Variants in AKAP13 observed in about 807,000 individuals in gnomAD.
AKAP13 encodes A-kinase anchoring protein 13, also known as A-kinase anchor protein 13.
Under a neutral mutation model 264.5 loss-of-function variants are expected in AKAP13, and 80 were observed. The observed-to-expected ratio is 0.30, with a 90% CI of 0.25 to 0.36. AKAP13 has a LOEUF of 0.36. Among genes scored for constraint, AKAP13 ranks in the 10% least tolerant of loss-of-function variants. AKAP13 has a pLI of 1.00. For synonymous variants in AKAP13, 1,380 were observed against 1,250.2 expected (o/e 1.10, Z -2.19); for missense variants, 3,712 against 3,435.2 (o/e 1.08, Z -2.01).
intron 16 of AKAP13, among the ~76,000 whole-genome samples, chr15:85,686,093 A>C (rs1335471132): frequency 3.9e-5 from 6 of 152,066 alleles, no homozygotes; most frequent in Non-Finnish European, 8.8e-5. Flanking sequence ...CAAAATAAAG[A>C]CATAAGTAAA....
chr15:85,641,999 C>G (rs1013511586), intron 9 of AKAP13, among the ~76,000 whole-genome samples: 2 of 152,104 alleles, frequency 1.3e-5, no homozygotes, highest in African/African-American at 4.8e-5. Context: ...ATTATGTTAG[C>G]TTCTGAAAAG....
chr15:85,438,510 G>T (rs2073442275), intron 1 of AKAP13, among the ~76,000 whole-genome samples: 2 of 149,088 alleles, frequency 1.3e-5, no homozygotes, highest in African/African-American at 5.0e-5. Flanking sequence ...GCATCGCCAA[G>T]TCAATCCTAA....
intron 1 of AKAP13, among the ~76,000 whole-genome samples, chr15:85,437,147 G>A (rs1274125300): frequency 8.8e-5 from 13 of 147,368 alleles, no homozygotes; most frequent in Non-Finnish European, 1.8e-4. Context: ...TATCACCACC[G>A]ATCCCACAGA....
intron 5 of AKAP13, among the ~76,000 whole-genome samples, chr15:85,572,287 G>A (rs1161343554): frequency 6.6e-6 from 1 of 152,146 alleles, no homozygotes; most frequent in Non-Finnish European, 1.5e-5. Flanking sequence ...GTGATAATCT[G>A]ATTAAGCAGA....
intron 11 of AKAP13, among the ~76,000 whole-genome samples, chr15:85,658,260 A>T (rs888437668): frequency 1.3e-5 from 2 of 152,008 alleles, no homozygotes; most frequent in African/African-American, 4.8e-5. Context: ...TTGAGTAGTA[A>T]TTTTTTTCTG....
At chr15:85,419,582 G>C (rs1351096547) in intron 1 of AKAP13, among the ~76,000 whole-genome samples, 1 of 152,184 alleles carries the variant, frequency 6.6e-6, no homozygotes, top group African/African-American at 2.4e-5. Flanking sequence ...TTTTTGGGTT[G>C]AGGAGGGAGA....
At chr15:85,449,690 T>C (rs906954858) in intron 1 of AKAP13, among the ~76,000 whole-genome samples, 1 of 152,098 alleles carries the variant, frequency 6.6e-6, no homozygotes, top group African/African-American at 2.4e-5. Flanking sequence ...CATGTGGTTT[T>C]TATTAGTCTG....
At chr15:85,533,294 C>CGTCA (rs2077298138) in intron 3 of AKAP13, among the ~76,000 whole-genome samples, 1 of 152,176 alleles carries the variant, frequency 6.6e-6, no homozygotes, top group Non-Finnish European at 1.5e-5. Context: ...CCCTTGTTGA[C>CGTCA]ATTCAGAGCC....
At chr15:85,720,603 C>G (rs2087222021) in intron 23 of AKAP13, among the ~76,000 whole-genome samples, 1 of 152,152 alleles carries the variant, frequency 6.6e-6, no homozygotes, top group Non-Finnish European at 1.5e-5. Context: ...GTACATCTGA[C>G]TAGGTATTTC....
At chr15:85,426,569 C>G (rs189838882) in intron 1 of AKAP13, among the ~76,000 whole-genome samples, 2 of 151,898 alleles carry the variant, frequency 1.3e-5, no homozygotes, top group Admixed American at 1.3e-4. Flanking sequence ...ATAAAGAAAA[C>G]CAAATGATCA....
At position 85,406,408 on chromosome 15, in the gene AKAP13, GT is replaced by G. The variant is rs1357579121; in HGVS notation, c.-12+25620del. On this transcript the variant is annotated intron_variant, in intron 1 of 36. Transcript: ENST00000394518. ...AGACTAGAAAATAGTTTTTTTTTTT[GT>G]TTTTTTTTTGGAGCTGCAGTTCCAC... is the stretch of plus-strand genomic sequence containing the variant. Among the ~76,000 whole-genome samples, 21 of 103,980 alleles carry G rather than the reference GT, an allele frequency of 2.0e-4. No individual in the cohort carries two copies. In the East Asian group the frequency reaches 4.0e-3, roughly 20 times the overall value. 68.2% of individuals were successfully genotyped at this position (103,980 alleles called of 152,430 possible).
intron 1 of AKAP13, among the ~76,000 whole-genome samples, chr15:85,465,991 T>G (rs2074723812): frequency 6.6e-6 from 1 of 151,838 alleles, no homozygotes; most frequent in African/African-American, 2.4e-5. Flanking sequence ...TGTTCCTATT[T>G]CTCCACATCC....
intron 3 of AKAP13, among the ~76,000 whole-genome samples, chr15:85,525,382 A>G (rs1418453909): frequency 6.6e-6 from 1 of 152,150 alleles, no homozygotes; most frequent in Non-Finnish European, 1.5e-5. Context: ...GTTTACAGTG[A>G]GCATGTTATT....
intron 1 of AKAP13, among the ~76,000 whole-genome samples, chr15:85,385,271 G>T (rs2070499870): frequency 6.6e-6 from 1 of 151,882 alleles, no homozygotes; most frequent in Admixed American, 6.6e-5. Context: ...TTCTCTATTT[G>T]TCTCCCAAAT....
At position 85,486,564 on chromosome 15, in the gene AKAP13, G is replaced by A. The variant is rs2075553579; in HGVS notation, c.33+811G>A. ...CCTTGTTGAAATTGATCAGAAGTGT[G>A]AGGAATTTTTTCTGGACTCTGAAGT... On this transcript the variant is annotated intron_variant, in intron 2 of 36. Transcript: ENST00000394518. 3.3e-5 allele frequency among the ~76,000 whole-genome samples: 5 copies of A among 152,168 alleles called. No homozygotes were observed. In the South Asian group the frequency reaches 1.0e-3, roughly 32 times the overall value.
chr15:85,547,681 A>G (rs2151223602), intron 5 of AKAP13, among the ~76,000 whole-genome samples: 1 of 152,288 alleles, frequency 6.6e-6, no homozygotes, highest in African/African-American at 2.4e-5. Context: ...ATGAATATGA[A>G]TGCATTTGTG....
At chr15:85,527,209 C>T (rs536489627) in intron 3 of AKAP13, among the ~76,000 whole-genome samples, 45 of 152,240 alleles carry the variant, frequency 3.0e-4, no homozygotes, top group African/African-American at 7.9e-4. Context: ...GTGATCCGCC[C>T]GCCTTGGCCT....
chr15:85,390,491 G>A (rs1596015671), intron 1 of AKAP13, among the ~76,000 whole-genome samples: 2 of 152,306 alleles, frequency 1.3e-5, no homozygotes, highest in East Asian at 3.9e-4. Flanking sequence ...AGGAGATAAG[G>A]TTTGTATGTG....
At chr15:85,566,257 G>T (rs2078601924) in intron 5 of AKAP13, among the ~76,000 whole-genome samples, 1 of 152,100 alleles carries the variant, frequency 6.6e-6, no homozygotes, top group Non-Finnish European at 1.5e-5. Flanking sequence ...TGCCTTAGTG[G>T]TACATAAGAT....
Sources: gnomAD v4.1 joint callset for allele counts (sites outside exome capture counted in the v4.1 genomes callset) on GRCh38, gnomAD v4.1.1 for gene constraint, MANE v1.5 for transcripts, NCBI Gene and HGNC (gene_info 2026-07-23, HGNC 2026-07-21) for gene names.